Variants in FAM185A observed in about 807,000 individuals in gnomAD.
The protein encoded by FAM185A is protein FAM185A.
A neutral mutation model predicts 45.7 loss-of-function variants in FAM185A; 21 were observed. The observed-to-expected ratio is 0.46, with a 90% CI of 0.33 to 0.66. The LOEUF is 0.66. Ranked by LOEUF, FAM185A falls within the 30% of genes least tolerant of loss-of-function variation. FAM185A has a pLI of 0.03. For synonymous variants in FAM185A, 117 were observed against 194.0 expected (o/e 0.60, Z 3.30); for missense variants, 305 against 485.4 (o/e 0.63, Z 3.49).
chr7:102,816,903 C>A, the FAM185A span, among the ~76,000 whole-genome samples: 1 of 152,192 alleles, frequency 6.6e-6, no homozygotes, highest in Non-Finnish European at 1.5e-5. Flanking sequence ...ATAATGGCCT[C>A]CAGCCGCATC....
rs535023219 is a variant in FAM185A at position 102,803,726 on chromosome 7, A to C, written c.1067-4564A>C. ...GAAATAAAGGGTATCCAAATTGGTA[A>C]AGAGGAAGTCATACTGTCACTGTTT... On this transcript the variant is annotated intron_variant, in intron 7 of 7. Coordinates refer to ENST00000413034, the MANE Select transcript of FAM185A (RefSeq NM_001145268.2). Among the ~76,000 whole-genome samples the C allele has an allele frequency of 5.9e-5, 9 of 152,250 alleles. No individual in the cohort carries two copies. The East Asian group carries it at 1.7e-3, about 29-fold the overall frequency.
At chr7:102,765,951 A>G (rs191600353) in intron 4 of FAM185A, among the ~76,000 whole-genome samples, 3,681 of 147,208 alleles carry the variant, frequency 0.025, 16 homozygotes, top group Non-Finnish European at 0.035. Flanking sequence ...TTATATGAAT[A>G]ATATTTTATT....
At chr7:102,794,075 A>C (rs1190091258) in intron 7 of FAM185A, among the ~76,000 whole-genome samples, 1 of 147,618 alleles carries the variant, frequency 6.8e-6, no homozygotes, top group Non-Finnish European at 1.5e-5. Context: ...AGCCCTTCTT[A>C]GCTTTCAGGG....
chr7:102,805,333 C>T (rs143330418), intron 7 of FAM185A, among the ~76,000 whole-genome samples: 369 of 152,134 alleles, frequency 2.4e-3, no homozygotes, highest in Non-Finnish European at 4.0e-3. Context: ...ATATATATGA[C>T]GGAATACTGC....
chr7:102,758,630 T>C (rs1442022284), intron 3 of FAM185A, among the ~76,000 whole-genome samples: 1 of 151,802 alleles, frequency 6.6e-6, no homozygotes, highest in Non-Finnish European at 1.5e-5. Context: ...GAGAAAAAGT[T>C]TCCTTTTATT....
intron 7 of FAM185A, among the ~76,000 whole-genome samples, chr7:102,801,874 A>T (rs1323773927): frequency 1.3e-5 from 2 of 151,936 alleles, no homozygotes; most frequent in Admixed American, 1.3e-4. Context: ...GTGAGCTGAG[A>T]TCACGCCATT....
intron 7 of FAM185A, among the ~76,000 whole-genome samples, chr7:102,790,297 G>C (rs1256511002): frequency 6.6e-6 from 1 of 152,138 alleles, no homozygotes; most frequent in African/African-American, 2.4e-5. Flanking sequence ...CATTAGGATG[G>C]CTACGAAGTC....
chr7:102,832,908 T>C, the FAM185A span: 2 of 1,614,114 alleles, frequency 1.2e-6, no homozygotes, highest in Non-Finnish European at 1.7e-6. Flanking sequence ...TTGATAATCA[T>C]ATCTGACAGC....
At chr7:102,790,897 G>A (rs1796101986) in intron 7 of FAM185A, among the ~76,000 whole-genome samples, 1 of 151,880 alleles carries the variant, frequency 6.6e-6, no homozygotes, top group Non-Finnish European at 1.5e-5. Context: ...CAACACTGCC[G>A]GAAACTAGGA....
the FAM185A span, among the ~76,000 whole-genome samples, chr7:102,844,900 C>T: frequency 1.3e-5 from 2 of 152,162 alleles, no homozygotes; most frequent in Non-Finnish European, 2.9e-5. Context: ...TTCAGGGAAA[C>T]ATGTTTACCA....
At position 102,787,349 on chromosome 7, in the gene FAM185A, A is replaced by C. The variant is rs991804542; in HGVS notation, c.946A>C (p.Lys316Gln). The change falls in exon 7 of 8, where the codon AAG (lysine) becomes CAG (glutamine). Residue 316 changes from lysine to glutamine, a missense_variant. This residue lies in a region of FAM185A where 9 missense variants were observed against 50.5 expected (regional missense o/e 0.18). Coordinates refer to ENST00000413034, the MANE Select transcript of FAM185A (RefSeq NM_001145268.2). The part of the protein sequence containing the change: ...LKSHKGSIIV[K>Q]VPSSLQAHLQ... ...ATTTATTACAGGTTCTATTATTGTC[A>C]AGGTCCCATCTTCACTTCAAGCTCA... 2 of 1,473,480 alleles carry C rather than the reference A, an allele frequency of 1.4e-6. No homozygotes were observed. The highest frequency in any genetic ancestry group is 1.8e-6 in the Non-Finnish European group (2 of 1,101,692). The allele number at this position is 1,473,480 out of a possible 1,614,324, so 91.3% of individuals were successfully genotyped here.
At chr7:102,835,051 C>T in the FAM185A span, among the ~76,000 whole-genome samples, 2 of 152,096 alleles carry the variant, frequency 1.3e-5, no homozygotes, top group Non-Finnish European at 2.9e-5. Flanking sequence ...TAAAGATGCA[C>T]AAATGTATTG....
At chr7:102,826,939 G>C in the FAM185A span, among the ~76,000 whole-genome samples, 3 of 150,698 alleles carry the variant, frequency 2.0e-5, no homozygotes, top group Admixed American at 2.0e-4. Flanking sequence ...TTTCCTAAGA[G>C]CTCTATCGTA....
chr7:102,813,289 G>A (rs981329403), downstream of FAM185A: 43 of 1,510,236 alleles, frequency 2.8e-5, no homozygotes, highest in Non-Finnish European at 3.9e-5. Context: ...GCAACAAATG[G>A]AGAAAACTTG....
intron 6 of FAM185A, among the ~76,000 whole-genome samples, chr7:102,780,858 G>A (rs527608452): frequency 1.3e-3 from 202 of 152,312 alleles, no homozygotes; most frequent in African/African-American, 4.7e-3. Context: ...AAAGCAGGGC[G>A]AGGCATCACC....
chr7:102,772,336 T>C (rs1405684088), intron 4 of FAM185A, 73 bp from the exon 5 acceptor site: 38 of 872,780 alleles, frequency 4.4e-5, no homozygotes, highest in Non-Finnish European at 6.2e-5. Flanking sequence ...ATCCATGTTT[T>C]AGCATTGCTA....
In FAM185A at chr7:102,807,638, G is replaced by C. The variant is rs1447922480; in HGVS notation, c.1067-652G>C. Among the ~76,000 whole-genome samples, 3 of 152,206 alleles carry C rather than the reference G, an allele frequency of 2.0e-5. No individual in the cohort carries two copies. In the East Asian group the frequency reaches 5.8e-4, roughly 29 times the overall value. ...TGTACAAATAAAAAACAGAGGTCAG[G>C]CTTGGTGGCTCATGCCTGTAATCCC... is the stretch of plus-strand genomic sequence containing the variant. On this transcript the variant is annotated intron_variant, in intron 7 of 7. Coordinates refer to ENST00000413034, the MANE Select transcript of FAM185A (RefSeq NM_001145268.2).
rs1793696924 is a variant in FAM185A at position 102,755,953 on chromosome 7, T to C, written c.562-1901T>C. The C allele has an allele frequency of 5.5e-6, 3 of 544,022 alleles. No homozygotes were observed. In the South Asian group the frequency reaches 7.4e-5, roughly 13 times the overall value. 33.7% of individuals were successfully genotyped at this position (544,022 alleles called of 1,614,324 possible). On this transcript the variant is annotated intron_variant, in intron 2 of 7. Coordinates refer to ENST00000413034, the MANE Select transcript of FAM185A (RefSeq NM_001145268.2). ...AAACTGGGTTAAATGTACACTGTTG[T>C]GTTTTCTGTACATAAAAATAATTAA...
chr7:102,822,155 G>A, the FAM185A span: 3 of 1,614,002 alleles, frequency 1.9e-6, no homozygotes, highest in Non-Finnish European at 2.5e-6. Flanking sequence ...TCCAAAATGT[G>A]CAGGTAATGG....
Sources: allele counts gnomAD v4.1 joint callset (sites outside exome capture counted in the v4.1 genomes callset), GRCh38; gene constraint gnomAD v4.1.1; regional missense constraint gnomAD v4.1.1; transcripts MANE v1.5; gene names NCBI Gene and HGNC (gene_info 2026-07-23, HGNC 2026-07-21).